The following SMYD3 variants were observed in gnomAD, a reference collection of about 807,000 sequenced individuals.
SMYD3 encodes the protein histone-lysine N-methyltransferase SMYD3.
A neutral mutation model predicts 57.7 loss-of-function variants in SMYD3; 36 were observed. The observed-to-expected ratio is 0.62, with a 90% CI of 0.48 to 0.82. The LOEUF is 0.82. Ranked by LOEUF, SMYD3 falls within the 40% of genes least tolerant of loss-of-function variation. SMYD3 has a pLI of 0.00. For synonymous variants in SMYD3, 211 were observed against 195.0 expected (o/e 1.08, Z -0.68); for missense variants, 515 against 538.8 (o/e 0.96, Z 0.44).
chr1:246,482,752 C>T (rs972154511), intron 1 of SMYD3, among the ~76,000 whole-genome samples: 15 of 152,082 alleles, frequency 9.9e-5, no homozygotes, highest in Non-Finnish European at 2.1e-4. Context: ...ACATAAGATA[C>T]GATAAAAAAC....
At chr1:246,000,347 A>C (rs2059016923) in intron 5 of SMYD3, among the ~76,000 whole-genome samples, 1 of 152,172 alleles carries the variant, frequency 6.6e-6, no homozygotes, top group African/African-American at 2.4e-5. Flanking sequence ...AGAAAGGAGA[A>C]AGGAAAAGGA....
At chr1:246,094,962 C>T (rs2060887761) in intron 5 of SMYD3, among the ~76,000 whole-genome samples, 1 of 152,150 alleles carries the variant, frequency 6.6e-6, no homozygotes. Context: ...GCAAGCCCCG[C>T]ATTGGTATCT....
At chr1:245,985,963 A>C (rs571167305) in intron 5 of SMYD3, among the ~76,000 whole-genome samples, 1 of 152,216 alleles carries the variant, frequency 6.6e-6, no homozygotes, top group East Asian at 1.9e-4. Context: ...TTGAATTCCT[A>C]GTGCTGATAA....
At chr1:245,830,223 G>C (rs1269819338) in intron 10 of SMYD3, among the ~76,000 whole-genome samples, 1 of 152,178 alleles carries the variant, frequency 6.6e-6, no homozygotes, top group African/African-American at 2.4e-5. Context: ...AGACATACCT[G>C]AGACTGGGTA....
rs550007882 is a variant in SMYD3, at chr1:246,299,606, AG to A, written c.531+27594del. Among the ~76,000 whole-genome samples the A allele has an allele frequency of 3.2e-3, 495 of 152,332 alleles. 3 individuals carry two copies. Among genetic ancestry groups the A allele is most frequent in the Non-Finnish European group, 5.5e-3 (375 of 68,020 alleles). ...GACACCCTAAATGCCCATCAATGGT[AG>A]ACTGAATTTTTAAAATGTGGTACAT... On this transcript the variant is annotated intron_variant, in intron 5 of 11. Transcript: ENST00000490107.
At chr1:246,445,140 G>A (rs564779826) in intron 1 of SMYD3, among the ~76,000 whole-genome samples, 25 of 152,306 alleles carry the variant, frequency 1.6e-4, no homozygotes, top group Non-Finnish European at 2.9e-4. Context: ...AGCACAAAAC[G>A]TAGCATGTAG....
intron 5 of SMYD3, among the ~76,000 whole-genome samples, chr1:245,982,584 C>A (rs2058620821): frequency 6.6e-6 from 1 of 152,148 alleles, no homozygotes; most frequent in African/African-American, 2.4e-5. Flanking sequence ...GTAACATTTT[C>A]TAATTCAGGT....
At chr1:245,932,818 TC>T (rs778263057) in intron 5 of SMYD3, among the ~76,000 whole-genome samples, 152 of 152,314 alleles carry the variant, frequency 1.0e-3, no homozygotes, top group Non-Finnish European at 2.0e-3. Context: ...CGTCTCGGCT[TC>T]CCAAAATGCT....
At chr1:246,333,029 A>C (rs1041425916) in intron 3 of SMYD3, among the ~76,000 whole-genome samples, 7 of 152,242 alleles carry the variant, frequency 4.6e-5, no homozygotes, top group Middle Eastern at 3.2e-3. Flanking sequence ...TTCAAAGAAC[A>C]AGTGGACTTT....
At chr1:245,987,154 A>C (rs762106957) in intron 5 of SMYD3, among the ~76,000 whole-genome samples, 4 of 152,234 alleles carry the variant, frequency 2.6e-5, no homozygotes, top group African/African-American at 4.8e-5. Context: ...TTAGGCTTGA[A>C]ACCAAGTTGC....
intron 5 of SMYD3, among the ~76,000 whole-genome samples, chr1:245,935,121 C>T (rs1032296664): frequency 6.6e-6 from 1 of 152,140 alleles, no homozygotes; most frequent in Non-Finnish European, 1.5e-5. Flanking sequence ...AGAGACAACC[C>T]ACAGAGTGGG....
At chr1:246,292,881 T>C (rs1181703583) in intron 5 of SMYD3, among the ~76,000 whole-genome samples, 1 of 152,034 alleles carries the variant, frequency 6.6e-6, no homozygotes, top group East Asian at 1.9e-4. Flanking sequence ...GGTCAACATA[T>C]AGCCATGTTC....
rs376385839 is a variant in SMYD3 at position 246,461,568 on chromosome 1, T to C, written c.164+45486A>G. Among the ~76,000 whole-genome samples the C allele has an allele frequency of 5.3e-5, 8 of 151,830 alleles. No homozygotes were observed. The South Asian group carries it at 1.7e-3, about 32-fold the overall frequency. ...CTTGCTACTTATCTATTTGTTTTGC[T>C]AGAGAGAATTAGGTAACTAAAGGCT... On this transcript the variant is annotated intron_variant, in intron 1 of 11. Coordinates refer to ENST00000490107, the MANE Select transcript of SMYD3 (RefSeq NM_001167740.2).
chr1:245,781,958 G>A (rs574365447), intron 10 of SMYD3, among the ~76,000 whole-genome samples: 27 of 147,010 alleles, frequency 1.8e-4, no homozygotes, highest in Admixed American at 1.7e-3. Context: ...GACAGAGTGA[G>A]ACTATGTCTC....
intron 9 of SMYD3, among the ~76,000 whole-genome samples, chr1:245,862,439 TTGTTA>T (rs1416361700): frequency 4.6e-5 from 7 of 152,134 alleles, no homozygotes; most frequent in Non-Finnish European, 1.0e-4. Context: ...ATATATGTTC[TTGTTA>T]TATTTCATGT....
chr1:246,016,895 T>C (rs1009722905), intron 5 of SMYD3, among the ~76,000 whole-genome samples: 3 of 152,136 alleles, frequency 2.0e-5, no homozygotes, highest in Non-Finnish European at 4.4e-5. Context: ...CTTGTCGGTC[T>C]AATGCTAAGA....
chr1:246,172,304 C>A (rs906237661), intron 5 of SMYD3, among the ~76,000 whole-genome samples: 2 of 150,528 alleles, frequency 1.3e-5, no homozygotes, highest in African/African-American at 4.9e-5. Context: ...CCACACTGTA[C>A]GCTTAGGCTA....
At chr1:246,229,491 C>T (rs1412768443) in intron 5 of SMYD3, among the ~76,000 whole-genome samples, 2 of 152,050 alleles carry the variant, frequency 1.3e-5, no homozygotes, top group Non-Finnish European at 2.9e-5. Flanking sequence ...TTACAATTGC[C>T]CTTTATCCAT....
chr1:245,772,156 A>C (rs2148093403), intron 10 of SMYD3, among the ~76,000 whole-genome samples: 1 of 152,334 alleles, frequency 6.6e-6, no homozygotes, highest in South Asian at 2.1e-4. Context: ...TTGGCCTCAT[A>C]TCATTAAGAT....
Sources: gnomAD v4.1 joint callset for allele counts (sites outside exome capture counted in the v4.1 genomes callset) on GRCh38, gnomAD v4.1.1 for gene constraint, MANE v1.5 for transcripts, NCBI Gene and HGNC (gene_info 2026-07-23, HGNC 2026-07-21) for gene names.